The following GALNT10 variants were observed in gnomAD, a reference collection of about 807,000 sequenced individuals.
GALNT10 encodes polypeptide N-acetylgalactosaminyltransferase 10.
In GALNT10, 41 loss-of-function variants were observed where a neutral mutation model predicts 75.0. The observed-to-expected ratio is 0.55, with a 90% confidence interval of 0.43 to 0.71. The LOEUF is 0.71. GALNT10 is among the 30% of genes least tolerant of loss of function. GALNT10 has a pLI of 0.00. For synonymous variants in GALNT10, 302 were observed against 313.0 expected (o/e 0.96, Z 0.37); for missense variants, 727 against 818.5 (o/e 0.89, Z 1.36).
chr5:154,407,725 T>C (rs1756310626), intron 8 of GALNT10, among the ~76,000 whole-genome samples: 1 of 152,236 alleles, frequency 6.6e-6, no homozygotes, highest in Admixed American at 6.5e-5. Context: ...CAACTTCCTC[T>C]AGCACAGTTT....
intron 1 of GALNT10, among the ~76,000 whole-genome samples, chr5:154,224,528 G>T (rs189521157): frequency 9.7e-4 from 147 of 152,222 alleles, no homozygotes; most frequent in African/African-American, 3.3e-3. Flanking sequence ...TAAATGAGGT[G>T]GTTCCTGGAA....
At chr5:154,286,094 G>A (rs921357155) in intron 1 of GALNT10, among the ~76,000 whole-genome samples, 4 of 152,194 alleles carry the variant, frequency 2.6e-5, no homozygotes, top group Admixed American at 6.5e-5. Flanking sequence ...TTTGTACCAT[G>A]TACCCCTCTT....
chr5:154,300,509 C>G (rs182784590), intron 3 of GALNT10, among the ~76,000 whole-genome samples: 1 of 152,170 alleles, frequency 6.6e-6, no homozygotes, highest in Non-Finnish European at 1.5e-5. Context: ...GCAATTCTCA[C>G]GTATAATGAG....
intron 7 of GALNT10, among the ~76,000 whole-genome samples, chr5:154,390,728 G>A (rs1033111169): frequency 2.0e-5 from 3 of 152,310 alleles, no homozygotes; most frequent in Admixed American, 6.5e-5. Flanking sequence ...ATGGAGAACA[G>A]TGAATGGAGA....
In GALNT10 at chr5:154,394,575, G is replaced by A. The variant is rs147636546; in HGVS notation, c.1056+8145G>A. 1.6e-3 allele frequency among the ~76,000 whole-genome samples: 251 copies of A among 152,310 alleles called. 3 individuals are homozygous for A. The highest frequency in any genetic ancestry group is 8.9e-3 in the East Asian group (46 of 5,176). ...CATCTCATTCCGCCTGGTGGTAGGAGTAGAGAAAAGGTGTATCCAGTCTAA... is the reference window on the plus strand; with the variant it reads ...CATCTCATTCCGCCTGGTGGTAGGAATAGAGAAAAGGTGTATCCAGTCTAA... On this transcript the variant is annotated intron_variant, in intron 7 of 11. Transcript: ENST00000297107.
intron 3 of GALNT10, among the ~76,000 whole-genome samples, chr5:154,299,985 C>T (rs891960769): frequency 6.6e-6 from 1 of 152,150 alleles, no homozygotes; most frequent in African/African-American, 2.4e-5. Flanking sequence ...CAAGTGTGTG[C>T]CACCACTGCT....
At chr5:154,344,342 G>T (rs1248615303) in intron 4 of GALNT10, among the ~76,000 whole-genome samples, 1 of 151,710 alleles carries the variant, frequency 6.6e-6, no homozygotes, top group Non-Finnish European at 1.5e-5. Flanking sequence ...CTCCTGAGTA[G>T]CTGGGATTAC....
At chr5:154,238,790 G>A (rs1345849726) in intron 1 of GALNT10, among the ~76,000 whole-genome samples, 2 of 152,138 alleles carry the variant, frequency 1.3e-5, no homozygotes, top group Non-Finnish European at 1.5e-5. Flanking sequence ...TTCCTTCTTG[G>A]CTGTTATTGT....
intron 1 of GALNT10, among the ~76,000 whole-genome samples, chr5:154,228,221 G>A (rs1753092540): frequency 1.3e-5 from 2 of 152,292 alleles, no homozygotes; most frequent in South Asian, 4.1e-4. Context: ...TCTCAAGTAT[G>A]TCTTTATAGC....
At chr5:154,294,700 G>A (rs750107414) in intron 1 of GALNT10, 116 bp from the exon 2 acceptor site, 3 of 579,898 alleles carry the variant, frequency 5.2e-6, no homozygotes, top group Non-Finnish European at 9.4e-6. Flanking sequence ...GTGGATAAAG[G>A]AACCCAGGAT....
At chr5:154,386,604 TG>T (rs1201622997) in intron 7 of GALNT10, 174 bp downstream of exon 7, 12 of 185,708 alleles carry the variant, frequency 6.5e-5, no homozygotes, top group Admixed American at 1.1e-4. Flanking sequence ...TGTTGTGGGG[TG>T]GGGGGGTGTG....
chr5:154,293,723 G>C (rs1754234424), intron 1 of GALNT10, among the ~76,000 whole-genome samples: 1 of 151,722 alleles, frequency 6.6e-6, no homozygotes, highest in Non-Finnish European at 1.5e-5. Flanking sequence ...AGATGTCCAA[G>C]ACCTGCCATC....
At chr5:154,202,719 G>A (rs532389287) in intron 1 of GALNT10, among the ~76,000 whole-genome samples, 28 of 152,296 alleles carry the variant, frequency 1.8e-4, no homozygotes, top group Middle Eastern at 3.4e-3. Flanking sequence ...CTTGGCACAC[G>A]AGCAGAGTCA....
Position 154,329,550 on chromosome 5 carries a change from CTCCCCTTATGTT to C in GALNT10, c.402-17_402-6del. On this transcript the variant is annotated splice_polypyrimidine_tract_variant and intron_variant, in intron 3 of 11. Transcript: ENST00000297107. ...GAGGAGAGCTGACCCTGTCCTCTGCCTCCCCTTATGTTTCCCTCTAGCTGCAACAGCAAGCGC... is the reference window on the plus strand; with the variant it reads ...GAGGAGAGCTGACCCTGTCCTCTGCCTCCCTCTAGCTGCAACAGCAAGCGC... The C allele has an allele frequency of 6.2e-7, 1 of 1,607,980 alleles. No individual in the cohort carries two copies. The highest frequency in any genetic ancestry group is 8.5e-7 in the Non-Finnish European group (1 of 1,174,748).
At chr5:154,217,296 A>G (rs1451473740) in intron 1 of GALNT10, among the ~76,000 whole-genome samples, 1 of 152,054 alleles carries the variant, frequency 6.6e-6, no homozygotes, top group East Asian at 1.9e-4. Context: ...CCTCTGAGAG[A>G]TGCCCATGGA....
At chr5:154,204,111 G>C (rs1775070284) in intron 1 of GALNT10, among the ~76,000 whole-genome samples, 1 of 152,174 alleles carries the variant, frequency 6.6e-6, no homozygotes, top group Admixed American at 6.5e-5. Context: ...TGACTCCTCA[G>C]GTAGGAGCCA....
chr5:154,205,767 C>CGG (rs1311295840), intron 1 of GALNT10, among the ~76,000 whole-genome samples: 1 of 152,148 alleles, frequency 6.6e-6, no homozygotes, highest in Non-Finnish European at 1.5e-5. Flanking sequence ...AAGCTGTAGA[C>CGG]AGAGACTGGA....
chr5:154,308,223 T>C (rs1754463983), intron 3 of GALNT10, among the ~76,000 whole-genome samples: 1 of 151,852 alleles, frequency 6.6e-6, no homozygotes, highest in Non-Finnish European at 1.5e-5. Context: ...TTGCCAACCA[T>C]TGCGGCATTC....
chr5:154,286,460 A>T (rs1754113968), intron 1 of GALNT10, among the ~76,000 whole-genome samples: 1 of 151,374 alleles, frequency 6.6e-6, no homozygotes, highest in Non-Finnish European at 1.5e-5. Context: ...GTTCTTTTAG[A>T]ATGGAAGGGA....
Sources: allele counts gnomAD v4.1 joint callset (sites outside exome capture counted in the v4.1 genomes callset), GRCh38; gene constraint gnomAD v4.1.1; transcripts MANE v1.5; gene names NCBI Gene and HGNC (gene_info 2026-07-23, HGNC 2026-07-21).